The following TENM2 variants were observed in gnomAD, a reference collection of about 807,000 sequenced individuals.
The protein encoded by TENM2 is teneurin transmembrane protein 2.
In TENM2, 52 loss-of-function variants were observed where a neutral mutation model predicts 245.2. The observed-to-expected ratio is 0.21, with a 90% confidence interval of 0.17 to 0.27. The LOEUF is 0.27. Ranked by LOEUF, TENM2 falls within the 10% of genes least tolerant of loss-of-function variation. The pLI, the probability that TENM2 is intolerant of heterozygous loss-of-function variation, is 1.00. For synonymous variants in TENM2, 1,363 were observed against 1,438.9 expected, an observed-to-expected ratio of 0.95 and a Z score of 1.19; for missense variants, 3,046 against 3,666.8, an observed-to-expected ratio of 0.83 and a Z score of 4.37.
intron 2 of TENM2, among the ~76,000 whole-genome samples, chr5:167,518,011 A>AC: frequency 6.6e-6 from 1 of 152,034 alleles, no homozygotes; most frequent in African/African-American, 2.4e-5. Flanking sequence ...ACATGGTGAA[A>AC]CCCCGTCTCT....
At chr5:167,021,869 T>C in the TENM2 span, among the ~76,000 whole-genome samples, 31 of 152,154 alleles carry the variant, frequency 2.0e-4, no homozygotes, top group Non-Finnish European at 2.6e-4. Context: ...CAGTACTCCA[T>C]CTAGAAAATG....
chr5:167,443,208 A>G (rs1430410564), intron 2 of TENM2, among the ~76,000 whole-genome samples: 3 of 152,188 alleles, frequency 2.0e-5, no homozygotes, highest in Non-Finnish European at 1.5e-5. Context: ...ATAATGAGTC[A>G]TGAAACCAGA....
rs1760846608 is a variant in TENM2 at position 167,736,999 on chromosome 5, G to A, written c.503-138987G>A. ...ACTGAATGGCAGCAAAAATGAAGCA[G>A]AGTTTCTGAGATTTGCCCAAGGCCA... On this transcript the variant is annotated intron_variant, in intron 2 of 28. Transcript: ENST00000518659. 3.3e-5 allele frequency among the ~76,000 whole-genome samples: 5 copies of A among 152,164 alleles called. No individual in the cohort carries two copies. The South Asian group carries it at 1.0e-3, about 32-fold the overall frequency.
chr5:167,531,386 A>T (rs2127593186), intron 2 of TENM2, among the ~76,000 whole-genome samples: 1 of 152,212 alleles, frequency 6.6e-6, no homozygotes, highest in Non-Finnish European at 1.5e-5. Context: ...ACTAATTAAA[A>T]TTGTATCTAT....
chr5:168,149,090 G>A (rs750452849), intron 12 of TENM2, among the ~76,000 whole-genome samples: 3 of 152,114 alleles, frequency 2.0e-5, no homozygotes, highest in Non-Finnish European at 4.4e-5. Context: ...AGATGAAGCT[G>A]GCCGGATGAA....
At chr5:168,195,350 G>A in intron 15 of TENM2, 55 bp downstream of exon 17, 1 of 1,547,078 alleles carries the variant, frequency 6.5e-7, no homozygotes, top group South Asian at 1.2e-5. Flanking sequence ...TGTGCAAAGG[G>A]ACAGACGGTG....
At chr5:167,883,239 C>G (rs1774019285) in intron 3 of TENM2, among the ~76,000 whole-genome samples, 1 of 152,188 alleles carries the variant, frequency 6.6e-6, no homozygotes, top group Non-Finnish European at 1.5e-5. Context: ...CAAGGTCTCC[C>G]ACCTCAATAA....
At position 167,426,655 on chromosome 5, in the gene TENM2, C is replaced by T. The variant is rs374038652; in HGVS notation, c.502+51182C>T. The stretch of plus-strand genomic sequence containing the variant: ...TGATTGCGATCCATTTTGTAGTTCA[C>T]TAATTTGGTATTTAACTGAACTGAT... On this transcript the variant is annotated intron_variant, in intron 2 of 28. Coordinates refer to ENST00000518659, the Ensembl canonical transcript of TENM2. 1.4e-4 allele frequency among the ~76,000 whole-genome samples: 22 copies of T among 151,810 alleles called. No individual in the cohort carries two copies. The East Asian group carries it at 3.7e-3, about 25-fold the overall frequency.
At chr5:167,750,649 G>T (rs564434905) in intron 2 of TENM2, among the ~76,000 whole-genome samples, 4 of 152,118 alleles carry the variant, frequency 2.6e-5, no homozygotes, top group Non-Finnish European at 5.9e-5. Flanking sequence ...GAGCCTTTTT[G>T]AATATTAAAC....
intron 9 of TENM2, among the ~76,000 whole-genome samples, chr5:168,102,341 G>A (rs1045190289): frequency 6.6e-6 from 1 of 152,188 alleles, no homozygotes; most frequent in Non-Finnish European, 1.5e-5. Context: ...CCAAAGTGCT[G>A]GGATTACAGG....
At chr5:168,123,311 A>G (rs1036858726) in intron 10 of TENM2, among the ~76,000 whole-genome samples, 5 of 152,174 alleles carry the variant, frequency 3.3e-5, no homozygotes, top group Admixed American at 1.3e-4. Context: ...AAAACAAACA[A>G]ACAAACAAAA....
intron 1 of TENM2, among the ~76,000 whole-genome samples, chr5:167,348,147 C>T (rs562115013): frequency 2.3e-4 from 35 of 152,254 alleles, no homozygotes; most frequent in African/African-American, 7.7e-4. Context: ...TCAAATCATA[C>T]GGGAGGCAGT....
At position 168,247,389 on chromosome 5, in the gene TENM2, C is replaced by T; in HGVS notation, c.6450C>T (p.Leu2150=). ...TCATCACCACTGCCGTGATGACCCT[C>T]AGCAAACACTTCGACACCCATGGGC... Residue 2150 remains leucine (L), a synonymous_variant, in exon 27 of 29, where the codon CTC becomes CTT. Coordinates refer to ENST00000518659, the Ensembl canonical transcript of TENM2. The surrounding 1 kb of genome is among the most constrained non-coding windows in gnomAD (Gnocchi z 7.8). 3 of 1,613,990 alleles carry T rather than the reference C, an allele frequency of 1.9e-6. No homozygotes were observed. Among genetic ancestry groups the T allele is most frequent in the South Asian group, 1.1e-5 (1 of 91,086 alleles).
At chr5:167,996,719 T>TTTTGTTTGTTTGTTTGTTTG (rs71281808) in intron 5 of TENM2, among the ~76,000 whole-genome samples, 629 of 150,986 alleles carry the variant, frequency 4.2e-3, no homozygotes, top group Non-Finnish European at 6.6e-3. Flanking sequence ...TTGAATCACT[T>TTTTGTTTGTTTGTTTGTTTG]TTTGTTTGTT....
At position 167,878,573 on chromosome 5, in the gene TENM2, CTGTGTGTG is replaced by C. The variant is rs10573629; in HGVS notation, c.712+2404_712+2411del. On this transcript the variant is annotated intron_variant, in intron 3 of 28. Transcript: ENST00000518659. ...AGTTCGAGTATGCGTGTGCTCACGT[CTGTGTGTG>C]TGTGTGTGTGTGTGTGTGTGTGTGT... Among the ~76,000 whole-genome samples, 1,101 of 149,736 alleles carry C rather than the reference CTGTGTGTG, an allele frequency of 7.4e-3. 12 individuals are homozygous for C. Among genetic ancestry groups the C allele is most frequent in the Middle Eastern group, 0.024 (7 of 294 alleles).
chr5:167,537,049 C>T (rs75227745), intron 2 of TENM2, among the ~76,000 whole-genome samples: 9,217 of 151,886 alleles, frequency 0.061, 734 homozygotes, highest in Admixed American at 0.21. Context: ...GACGTCCCAT[C>T]CCAGTACAAA....
chr5:167,021,391 T>C, the TENM2 span, among the ~76,000 whole-genome samples: 1 of 152,198 alleles, frequency 6.6e-6, no homozygotes, highest in Non-Finnish European at 1.5e-5. Flanking sequence ...TAAAATGCTA[T>C]AAAAAACTGT....
At chr5:167,063,175 C>G in the TENM2 span, among the ~76,000 whole-genome samples, 1 of 152,158 alleles carries the variant, frequency 6.6e-6, no homozygotes, top group Non-Finnish European at 1.5e-5. Flanking sequence ...ATCTCAATAT[C>G]TGTTTCTGGA....
At chr5:168,228,926 ATAT>A (rs1275486208) in intron 25 of TENM2, among the ~76,000 whole-genome samples, 7 of 147,998 alleles carry the variant, frequency 4.7e-5, no homozygotes, top group Middle Eastern at 3.6e-3. Context: ...ACCCTATATT[ATAT>A]TATAATGTAT....
Sources: allele counts gnomAD v4.1 joint callset (sites outside exome capture counted in the v4.1 genomes callset), GRCh38; gene constraint gnomAD v4.1.1; non-coding constraint Gnocchi (gnomAD v3.1); transcripts MANE v1.5; gene names NCBI Gene and HGNC (gene_info 2026-07-23, HGNC 2026-07-21).